The following MYT1L variants were observed in gnomAD, a reference collection of about 807,000 sequenced individuals.
MYT1L encodes myelin transcription factor 1 like, also known as myelin transcription factor 1-like protein.
In MYT1L, 12 loss-of-function variants were observed where a neutral mutation model predicts 126.7. The observed-to-expected ratio is 0.09, with a 90% CI of 0.06 to 0.15. The LOEUF is 0.15. MYT1L is among the 10% of genes least tolerant of loss of function. MYT1L has a pLI of 1.00. For missense variants in MYT1L, 979 were observed against 1,585.2 expected (o/e 0.62, Z 6.49); for synonymous variants, 541 against 604.2 (o/e 0.90, Z 1.53).
chr2:2,016,450 T>C (rs942603604), intron 4 of MYT1L, among the ~76,000 whole-genome samples: 2 of 152,330 alleles, frequency 1.3e-5, no homozygotes, highest in East Asian at 3.9e-4. Flanking sequence ...CACGAAACCC[T>C]AGCTCAAGAG....
intron 3 of MYT1L, among the ~76,000 whole-genome samples, chr2:2,149,440 G>A (rs2085395236): frequency 6.6e-6 from 1 of 152,186 alleles, no homozygotes; most frequent in South Asian, 2.1e-4. Context: ...AAGCAATGGG[G>A]ACTGACTTGC....
chr2:2,299,149 G>A (rs906025380), intron 1 of MYT1L, among the ~76,000 whole-genome samples: 7 of 152,186 alleles, frequency 4.6e-5, no homozygotes, highest in African/African-American at 1.7e-4. Context: ...ACCGAGCCCT[G>A]CCAACTCTGT....
chr2:1,831,028 C>T (rs377398492), intron 21 of MYT1L, among the ~76,000 whole-genome samples: 8 of 152,230 alleles, frequency 5.3e-5, no homozygotes, highest in East Asian at 3.9e-4. Flanking sequence ...GTGGCCAACA[C>T]GTGGTCTCCA....
At chr2:2,277,950 C>T (rs17039505) in intron 2 of MYT1L, among the ~76,000 whole-genome samples, 3,425 of 152,184 alleles carry the variant, frequency 0.023, 113 homozygotes, top group African/African-American at 0.077. Flanking sequence ...TCCAATGTTA[C>T]GAGTGACAGA....
intron 1 of MYT1L, among the ~76,000 whole-genome samples, chr2:2,298,060 T>C (rs772604152): frequency 7.2e-5 from 11 of 152,244 alleles, no homozygotes; most frequent in Non-Finnish European, 1.2e-4. Context: ...CAGCCCCTGG[T>C]GCCCTAACAA....
intron 23 of MYT1L, among the ~76,000 whole-genome samples, chr2:1,797,928 C>CT (rs1330849023): frequency 1.3e-4 from 5 of 39,314 alleles, no homozygotes; most frequent in East Asian, 5.7e-4. Context: ...GGCGGTCTCC[C>CT]CCTTCTCCGG....
intron 18 of MYT1L, among the ~76,000 whole-genome samples, chr2:1,857,474 G>A (rs2044060154): frequency 6.6e-6 from 1 of 152,090 alleles, no homozygotes; most frequent in African/African-American, 2.4e-5. Flanking sequence ...GAGTAATAAT[G>A]CAAATGTCAG....
chr2:2,233,814 T>C (rs1351443160), intron 2 of MYT1L, among the ~76,000 whole-genome samples: 3 of 152,198 alleles, frequency 2.0e-5, no homozygotes, highest in Non-Finnish European at 4.4e-5. Flanking sequence ...TCTCACCCTG[T>C]ACTGGCCTGC....
chr2:2,015,110 G>A (rs1237580440), intron 4 of MYT1L, among the ~76,000 whole-genome samples: 1 of 152,214 alleles, frequency 6.6e-6, no homozygotes, highest in Non-Finnish European at 1.5e-5. Flanking sequence ...GTGTCCTGGT[G>A]TGGGATGAAT....
At chr2:1,980,283 AC>A (rs2060506423) in intron 5 of MYT1L, among the ~76,000 whole-genome samples, 1 of 147,300 alleles carries the variant, frequency 6.8e-6, no homozygotes, top group Admixed American at 6.8e-5. Context: ...TATTATATAT[AC>A]ATTATATATA....
intron 4 of MYT1L, among the ~76,000 whole-genome samples, chr2:1,998,439 A>T (rs2062057652): frequency 6.6e-6 from 1 of 152,158 alleles, no homozygotes; most frequent in Non-Finnish European, 1.5e-5. Flanking sequence ...CAGAATTCGC[A>T]AATCTTTTCC....
intron 3 of MYT1L, among the ~76,000 whole-genome samples, chr2:2,162,555 G>A (rs1208778605): frequency 6.6e-6 from 1 of 152,124 alleles, no homozygotes; most frequent in East Asian, 1.9e-4. Context: ...AGTTTCCAGG[G>A]CAGTGGATTG....
chr2:2,068,786 T>TTTTTTTTTTTTTTTTC (rs2074226272), intron 3 of MYT1L, among the ~76,000 whole-genome samples: 1 of 139,904 alleles, frequency 7.1e-6, no homozygotes, highest in Non-Finnish European at 1.5e-5. Flanking sequence ...TTTTTTTTTT[T>TTTTTTTTTTTTTTTTC]TTTTTTTTTT....
intron 2 of MYT1L, among the ~76,000 whole-genome samples, chr2:2,193,136 C>T (rs968099338): frequency 2.2e-4 from 33 of 152,024 alleles, no homozygotes; most frequent in African/African-American, 8.0e-4. Context: ...CACCACCACG[C>T]CTGGCTATTT....
chr2:2,010,754 C>G (rs1315704764), intron 4 of MYT1L, among the ~76,000 whole-genome samples: 1 of 152,136 alleles, frequency 6.6e-6, no homozygotes, highest in Non-Finnish European at 1.5e-5. Context: ...CAAACACTTC[C>G]CGACTTCAAA....
rs1194393806 is a variant in MYT1L, at chr2:2,059,199, TG to T, written c.-303-5077del. On this transcript the variant is annotated intron_variant, in intron 3 of 24. Coordinates refer to ENST00000647738, the MANE Select transcript of MYT1L (RefSeq NM_001303052.2). This position sits in a 1 kb window ranked among gnomAD's most constrained non-coding sequence, Gnocchi z 4.7. The stretch of plus-strand genomic sequence containing the variant: ...TCTGAACAAAGGGTGCCTGGCTGAG[TG>T]GGCCTGCAGTGGCCATAGCATCCCA... 1.3e-5 allele frequency among the ~76,000 whole-genome samples: 2 copies of T among 152,122 alleles called. No individual in the cohort carries two copies. Among genetic ancestry groups the T allele is most frequent in the Non-Finnish European group, 2.9e-5 (2 of 68,026 alleles).
intron 2 of MYT1L, among the ~76,000 whole-genome samples, chr2:2,272,751 C>T (rs2095288163): frequency 6.6e-6 from 1 of 152,180 alleles, no homozygotes; most frequent in African/African-American, 2.4e-5. Context: ...GGCTTCCCTG[C>T]CAGTCTTTCT....
At chr2:1,792,097 C>A (rs2032194444) in intron 24 of MYT1L, 90 bp from the exon 25 acceptor site, 3 of 1,236,428 alleles carry the variant, frequency 2.4e-6, no homozygotes, top group Non-Finnish European at 3.3e-6. Context: ...TAGCATAGTG[C>A]CCCTGGTTTT....
At chr2:2,003,962 C>T (rs1343175900) in intron 4 of MYT1L, among the ~76,000 whole-genome samples, 4 of 151,352 alleles carry the variant, frequency 2.6e-5, no homozygotes, top group Non-Finnish European at 5.9e-5. Flanking sequence ...TGCATGCGTT[C>T]TTTCCTGCAG....
Sources: allele counts gnomAD v4.1 joint callset (sites outside exome capture counted in the v4.1 genomes callset), GRCh38; gene constraint gnomAD v4.1.1; non-coding constraint Gnocchi (gnomAD v3.1); transcripts MANE v1.5; gene names NCBI Gene and HGNC (gene_info 2026-07-23, HGNC 2026-07-21).